The following LRRC7 variants were observed in gnomAD, a reference collection of about 807,000 sequenced individuals.
The protein encoded by LRRC7 is leucine rich repeat containing 7.
Under a neutral mutation model 175.7 loss-of-function variants are expected in LRRC7, and 23 were observed. The observed-to-expected ratio is 0.13, with a 90% CI of 0.09 to 0.19. LRRC7 has a LOEUF of 0.19. LRRC7 is among the 10% of genes least tolerant of loss of function. The probability of loss-of-function intolerance (pLI) is 1.00; values close to 1 mark genes in which losing one functional copy is unlikely to be tolerated. For missense variants in LRRC7, 1,354 were observed against 1,904.7 expected (o/e 0.71, Z 5.38); for synonymous variants, 685 against 680.9 (o/e 1.01, Z -0.09).
chr1:69,807,376 G>T (rs1305735458), intron 4 of LRRC7, among the ~76,000 whole-genome samples: 3 of 151,920 alleles, frequency 2.0e-5, no homozygotes, highest in Admixed American at 2.0e-4. Context: ...AGTTGATGCA[G>T]TTTTCTTCCT....
intron 22 of LRRC7, among the ~76,000 whole-genome samples, chr1:70,045,411 A>G (rs1315192619): frequency 6.6e-6 from 1 of 152,112 alleles, no homozygotes; most frequent in Non-Finnish European, 1.5e-5. Flanking sequence ...GACTCTCATG[A>G]GCCAATACAA....
intron 1 of LRRC7, among the ~76,000 whole-genome samples, chr1:69,660,620 A>G (rs1657319889): frequency 2.0e-5 from 3 of 152,120 alleles, no homozygotes; most frequent in African/African-American, 4.8e-5. Flanking sequence ...TAACATTTGA[A>G]TAAGGACTTA....
intron 4 of LRRC7, among the ~76,000 whole-genome samples, chr1:69,801,155 T>C (rs1372235792): frequency 6.6e-6 from 1 of 151,816 alleles, no homozygotes; most frequent in Non-Finnish European, 1.5e-5. Context: ...GCATCTATGT[T>C]CACAAGGATA....
intron 1 of LRRC7, among the ~76,000 whole-genome samples, chr1:69,597,340 T>C (rs1646883113): frequency 6.6e-6 from 1 of 152,144 alleles, no homozygotes; most frequent in Admixed American, 6.6e-5. Context: ...CTCAGGTTCT[T>C]TATCTATAGA....
chr1:69,627,946 A>C lies in LRRC7; in HGVS notation c.3-50435A>C, dbSNP rs538556438. Among the ~76,000 whole-genome samples the C allele has an allele frequency of 3.3e-5, 5 of 152,088 alleles. No individual in the cohort carries two copies. The East Asian group carries it at 7.7e-4, about 24-fold the overall frequency. ...AGTTTTTACAAATACCACAGTTTAC[A>C]GTTTACTTTTGTTAGCTTTATATTA... On this transcript the variant is annotated intron_variant, in intron 1 of 26. Transcript: ENST00000651989.
intron 2 of LRRC7, among the ~76,000 whole-genome samples, chr1:69,743,167 C>T (rs553139172): frequency 6.6e-6 from 1 of 152,070 alleles, no homozygotes; most frequent in South Asian, 2.1e-4. Flanking sequence ...ACAAAGAATT[C>T]TAGAATTGTC....
chr1:69,632,200 A>T (rs1652616378), intron 1 of LRRC7, among the ~76,000 whole-genome samples: 1 of 152,028 alleles, frequency 6.6e-6, no homozygotes, highest in Non-Finnish European at 1.5e-5. Flanking sequence ...TGCCCACAGC[A>T]CCCATTGTTT....
chr1:70,007,450 T>C (rs1391644579), intron 11 of LRRC7, among the ~76,000 whole-genome samples: 2 of 152,142 alleles, frequency 1.3e-5, no homozygotes, highest in East Asian at 3.9e-4. Context: ...AAACCTTTTG[T>C]CCAAGCATTA....
chr1:69,855,073 T>A (rs1482276529), intron 7 of LRRC7, among the ~76,000 whole-genome samples: 1 of 152,184 alleles, frequency 6.6e-6, no homozygotes, highest in Non-Finnish European at 1.5e-5. Flanking sequence ...TTTACATGGT[T>A]GATGCATGAT....
At chr1:69,796,148 G>A (rs1675739102) in intron 4 of LRRC7, among the ~76,000 whole-genome samples, 1 of 120,742 alleles carries the variant, frequency 8.3e-6, no homozygotes, top group Non-Finnish European at 1.6e-5. Context: ...TCCCTGGTGT[G>A]TGATGTTCCC....
intron 23 of LRRC7, among the ~76,000 whole-genome samples, chr1:70,073,161 T>C (rs1486725484): frequency 6.6e-6 from 1 of 152,178 alleles, no homozygotes; most frequent in Non-Finnish European, 1.5e-5. Context: ...AATATGTATA[T>C]GGTGTTTTTT....
chr1:69,888,659 A>G (rs944341589), intron 7 of LRRC7, among the ~76,000 whole-genome samples: 1 of 152,080 alleles, frequency 6.6e-6, no homozygotes, highest in African/African-American at 2.4e-5. Context: ...ACATTTTTCT[A>G]AGTGAAATAA....
intron 3 of LRRC7, among the ~76,000 whole-genome samples, chr1:69,788,219 C>T (rs1000484945): frequency 6.6e-6 from 1 of 152,184 alleles, no homozygotes; most frequent in Non-Finnish European, 1.5e-5. Context: ...GACCAACAGA[C>T]TCCACCAGAA....
At chr1:69,718,046 G>C (rs1229332501) in intron 2 of LRRC7, among the ~76,000 whole-genome samples, 1 of 143,538 alleles carries the variant, frequency 7.0e-6, no homozygotes, top group South Asian at 2.2e-4. Context: ...AAAGGAGAGG[G>C]AGAAAGAAAT....
chr1:69,656,558 G>A (rs1570205146), intron 1 of LRRC7, among the ~76,000 whole-genome samples: 1 of 151,970 alleles, frequency 6.6e-6, no homozygotes, highest in South Asian at 2.1e-4. Context: ...AACATATTTT[G>A]GGGAACCTTC....
chr1:69,842,236 A>T (rs190048583), intron 7 of LRRC7, among the ~76,000 whole-genome samples: 1 of 152,128 alleles, frequency 6.6e-6, no homozygotes, highest in Non-Finnish European at 1.5e-5. Context: ...GTAACATAAC[A>T]TCATATAAAT....
intron 7 of LRRC7, among the ~76,000 whole-genome samples, chr1:69,882,465 A>G (rs1686716470): frequency 6.6e-6 from 1 of 152,200 alleles, no homozygotes; most frequent in Admixed American, 6.5e-5. Flanking sequence ...GTAAATGCCT[A>G]TTGACTGATG....
Position 70,133,085 on chromosome 1 carries a change from T to C in LRRC7, c.*11198T>C, listed in dbSNP as rs1250317909. Reference sequence around the variant, plus strand: ...TATTTAGTTGTACACATCCGCATACTCTTTTAAAGAAACATGTGTCTGCAG... The same window carrying C: ...TATTTAGTTGTACACATCCGCATACCCTTTTAAAGAAACATGTGTCTGCAG... On this transcript the variant is annotated 3_prime_UTR_variant, in exon 27 of 27. Coordinates refer to ENST00000651989, the MANE Select transcript of LRRC7 (RefSeq NM_001370785.2). Among the ~76,000 whole-genome samples, 1 of 152,166 alleles carries C rather than the reference T, an allele frequency of 6.6e-6. No homozygotes were observed. Among genetic ancestry groups the C allele is most frequent in the Non-Finnish European group, 1.5e-5 (1 of 68,032 alleles).
At chr1:70,111,773 C>A (rs1227889019) in intron 26 of LRRC7, among the ~76,000 whole-genome samples, 5 of 152,136 alleles carry the variant, frequency 3.3e-5, no homozygotes, top group Non-Finnish European at 7.4e-5. Flanking sequence ...GCAAGTATGT[C>A]CTGTTCAATC....
Sources: allele counts gnomAD v4.1 joint callset (sites outside exome capture counted in the v4.1 genomes callset), GRCh38; gene constraint gnomAD v4.1.1; transcripts MANE v1.5; gene names NCBI Gene and HGNC (gene_info 2026-07-23, HGNC 2026-07-21).